The following TMEM170B variants were observed in gnomAD, a reference collection of about 807,000 sequenced individuals.
TMEM170B encodes the protein transmembrane protein 170B.
A neutral mutation model predicts 13.0 loss-of-function variants in TMEM170B; 6 were observed. The ratio of observed to expected loss-of-function variants is 0.46; its 90% CI spans 0.25 to 0.91. The LOEUF is 0.91. Ranked by LOEUF, TMEM170B falls within the 40% of genes least tolerant of loss-of-function variation. The pLI is 0.17. For missense variants in TMEM170B, 138 were observed against 165.2 expected (o/e 0.84, Z 0.90); for synonymous variants, 61 against 64.9 (o/e 0.94, Z 0.29).
chr6:11,576,200 A>G lies in TMEM170B; in HGVS notation c.*639A>G, dbSNP rs1420789617. On this transcript the variant is annotated 3_prime_UTR_variant, in exon 3 of 3. Transcript: ENST00000379426. ...AGTCTTCTTAACTGAAGACTAGCTC[A>G]ACTGTTTTAAGAACTCAGAGTAGCT... 1.3e-5 allele frequency: 2 copies of G among 152,230 alleles called. No individual in the cohort carries two copies. Among genetic ancestry groups the G allele is most frequent in the Admixed American group, 6.6e-5 (1 of 15,266 alleles). 9.4% of individuals were successfully genotyped at this position (152,230 alleles called of 1,614,324 possible). A position where few individuals can be genotyped will look rare whatever the true frequency, so the allele number is the denominator to read the frequency against.
rs1759933559 is a variant in TMEM170B, at chr6:11,580,120, T to A, written c.*4559T>A. ...ACCTCTGCCTCCCAGGTTCAAGCGA[T>A]TCTCCTTCCTCAGCCTCCCGAGTAG... On this transcript the variant is annotated 3_prime_UTR_variant, in exon 3 of 3. Transcript: ENST00000379426. 2 of 152,780 alleles carry A rather than the reference T, an allele frequency of 1.3e-5. No individual in the cohort carries two copies. The highest frequency in any genetic ancestry group is 3.4e-3 in the Middle Eastern group (1 of 296). 9.5% of individuals were successfully genotyped at this position (152,780 alleles called of 1,614,324 possible). A position where few individuals can be genotyped will look rare whatever the true frequency, so the allele number is the denominator to read the frequency against.
intron 1 of TMEM170B, among the ~76,000 whole-genome samples, chr6:11,546,548 C>T (rs963720629): frequency 1.1e-4 from 17 of 152,268 alleles, no homozygotes; most frequent in African/African-American, 3.6e-4. Context: ...GGAGCAACTT[C>T]CAGGCCTGCA....
At chr6:11,551,490 G>C (rs1759524786) in intron 1 of TMEM170B, among the ~76,000 whole-genome samples, 1 of 152,176 alleles carries the variant, frequency 6.6e-6, no homozygotes. Flanking sequence ...GCAGGTGAGG[G>C]AATGAAGTGT....
chr6:11,542,210 G>T (rs1759371403), intron 1 of TMEM170B, among the ~76,000 whole-genome samples: 1 of 152,126 alleles, frequency 6.6e-6, no homozygotes, highest in Non-Finnish European at 1.5e-5. Context: ...TTAATCACTG[G>T]ATTAGCTCAT....
At chr6:11,560,434 ATCT>A (rs1273251437) in intron 1 of TMEM170B, among the ~76,000 whole-genome samples, 4 of 150,866 alleles carry the variant, frequency 2.7e-5, no homozygotes, top group Admixed American at 2.6e-4. Flanking sequence ...AGCCTCCCAA[ATCT>A]TCTCCTTTGA....
At chr6:11,564,342 A>G (rs1759708137) in intron 1 of TMEM170B, among the ~76,000 whole-genome samples, 1 of 152,236 alleles carries the variant, frequency 6.6e-6, no homozygotes, top group Non-Finnish European at 1.5e-5. Context: ...ATCATTTTAC[A>G]TTCCTACCAA....
chr6:11,559,536 A>C (rs1450678115), intron 1 of TMEM170B, among the ~76,000 whole-genome samples: 1 of 152,202 alleles, frequency 6.6e-6, no homozygotes, highest in Non-Finnish European at 1.5e-5. Flanking sequence ...CACGAAGACT[A>C]TACAGAGACA....
At chr6:11,545,436 C>G (rs1465905579) in intron 1 of TMEM170B, among the ~76,000 whole-genome samples, 2 of 151,968 alleles carry the variant, frequency 1.3e-5, no homozygotes, top group African/African-American at 2.4e-5. Context: ...AGTCATGTGC[C>G]ATGTAACTTT....
In TMEM170B at chr6:11,538,092, C is replaced by G. The variant is rs1412186465; in HGVS notation, c.-186C>G. On this transcript the variant is annotated 5_prime_UTR_variant, in exon 1 of 3. Transcript: ENST00000379426. ...CGGGGAGGGGGCTGCCTGGGAGACA[C>G]GCTGAGCGGCCCCCCCACGGAGGCC... Among the ~76,000 whole-genome samples the G allele has an allele frequency of 1.3e-5, 2 of 151,176 alleles. No homozygotes were observed. The highest frequency in any genetic ancestry group is 3.0e-5 in the Non-Finnish European group (2 of 67,618).
rs1205161064 is a variant in TMEM170B at position 11,581,088 on chromosome 6, A to G, written c.*5527A>G. ...CAGTAAATGTGGAGATATATCAGAT[A>G]ATACTTTTAAATTAGTGGAAACACA... On this transcript the variant is annotated 3_prime_UTR_variant, in exon 3 of 3. Transcript: ENST00000379426. 2 of 152,232 alleles carry G rather than the reference A, an allele frequency of 1.3e-5. No homozygotes were observed. The highest frequency in any genetic ancestry group is 2.9e-5 in the Non-Finnish European group (2 of 68,026). 9.4% of individuals were successfully genotyped at this position (152,232 alleles called of 1,614,324 possible).
chr6:11,562,802 T>TTGAA, intron 1 of TMEM170B, among the ~76,000 whole-genome samples: 1 of 152,174 alleles, frequency 6.6e-6, no homozygotes, highest in Middle Eastern at 3.2e-3. Flanking sequence ...TATTTAGTTC[T>TTGAA]ATACAATTGT....
At chr6:11,541,874 C>T (rs1366127075) in intron 1 of TMEM170B, among the ~76,000 whole-genome samples, 1 of 152,072 alleles carries the variant, frequency 6.6e-6, no homozygotes, top group African/African-American at 2.4e-5. Context: ...TAGGGAAACC[C>T]GAGGAGAGGG....
At position 11,538,289 on chromosome 6, in the gene TMEM170B, G is replaced by C. The variant is rs1172658336; in HGVS notation, c.12G>C (p.Glu4Asp). 1 of 1,418,896 alleles carries C rather than the reference G, an allele frequency of 7.0e-7. No homozygotes were observed. 87.9% of individuals were successfully genotyped at this position (1,418,896 alleles called of 1,614,324 possible). A position where few individuals can be genotyped will look rare whatever the true frequency, so the allele number is the denominator to read the frequency against. The change falls in exon 1 of 3, where the codon GAG (glutamate) becomes GAC (aspartate). Residue 4 changes from glutamate to aspartate, a missense_variant. Glu to Asp is a conservative substitution (Grantham distance 45). Coordinates refer to ENST00000379426, the MANE Select transcript of TMEM170B (RefSeq NM_001100829.3). ...GCCCCTCGGGGAAGATGAAGGCGGA[G>C]GGGGGCGACCACTCCATGATCAACC... MKA[E>D]GGDHSMINLS...
At chr6:11,545,280 C>CTGTGTGTGTGTGTATGTG (rs1759420181) in intron 1 of TMEM170B, among the ~76,000 whole-genome samples, 1 of 139,736 alleles carries the variant, frequency 7.2e-6, no homozygotes, top group East Asian at 2.1e-4. Flanking sequence ...CTCTCTCTCT[C>CTGTGTGTGTGTGTATGTG]TGTGTGTGTG....
chr6:11,566,294 C>A (rs1190565981), intron 2 of TMEM170B, among the ~76,000 whole-genome samples: 1 of 152,170 alleles, frequency 6.6e-6, no homozygotes, highest in Non-Finnish European at 1.5e-5. Flanking sequence ...TTATTATGGC[C>A]TACTAGAAAT....
chr6:11,538,440 G>A, intron 1 of TMEM170B, 66 bp downstream of exon 1: 2 of 1,231,656 alleles, frequency 1.6e-6, no homozygotes, highest in South Asian at 1.5e-5. Context: ...CTCCTTCCTC[G>A]GGAGGGGACA....
At chr6:11,555,052 T>C (rs994371254) in intron 1 of TMEM170B, among the ~76,000 whole-genome samples, 1 of 152,204 alleles carries the variant, frequency 6.6e-6, no homozygotes, top group Non-Finnish European at 1.5e-5. Context: ...TTCAATATAT[T>C]TTGTAGCATA....
At chr6:11,550,817 A>G (rs17397079) in intron 1 of TMEM170B, among the ~76,000 whole-genome samples, 14,414 of 152,234 alleles carry the variant, frequency 0.095, 784 homozygotes, top group African/African-American at 0.14. Context: ...ACTGCAGTTC[A>G]GTTGAGCAAA....
Position 11,538,313 on chromosome 6 carries a change from C to T in TMEM170B, c.36C>T (p.Asn12=). 3 of 1,489,452 alleles carry T rather than the reference C, an allele frequency of 2.0e-6. No individual in the cohort carries two copies. The highest frequency in any genetic ancestry group is 1.4e-5 in the South Asian group (1 of 72,788). 92.3% of individuals were successfully genotyped at this position (1,489,452 alleles called of 1,614,324 possible). ...KAEGGDHSMI[N]LSVQQVLSLW... Reference sequence around the variant, plus strand: ...AGGGGGGCGACCACTCCATGATCAACCTGTCGGTGCAGCAGGTCCTGAGCC... The same window carrying T: ...AGGGGGGCGACCACTCCATGATCAATCTGTCGGTGCAGCAGGTCCTGAGCC... The change falls in exon 1 of 3, where the codon AAC becomes AAT. Residue 12 remains asparagine (N), a synonymous_variant. Coordinates refer to ENST00000379426, the MANE Select transcript of TMEM170B (RefSeq NM_001100829.3).
Sources: allele counts gnomAD v4.1 joint callset (sites outside exome capture counted in the v4.1 genomes callset), GRCh38; gene constraint gnomAD v4.1.1; transcripts MANE v1.5; gene names NCBI Gene and HGNC (gene_info 2026-07-23, HGNC 2026-07-21).